MTHFD2L: variants seen among roughly 807,000 people sequenced by gnomAD.
MTHFD2L encodes methylenetetrahydrofolate dehydrogenase (NADP+ dependent) 2 like, also known as bifunctional methylenetetrahydrofolate dehydrogenase/cyclohydrolase 2, mitochondrial.
MTHFD2L carries 29 observed loss-of-function variants against 34.9 expected under a neutral mutation model. That is an observed-to-expected ratio of 0.83 (90% confidence interval 0.62 to 1.13). MTHFD2L has a LOEUF of 1.13. MTHFD2L is among the 50% of genes most tolerant of loss of function. The pLI, the probability that MTHFD2L is intolerant of heterozygous loss-of-function variation, is 0.00. For synonymous variants in MTHFD2L, 167 were observed against 155.7 expected (o/e 1.07, Z -0.54); for missense variants, 481 against 446.5 (o/e 1.08, Z -0.70).
At chr4:74,173,959 G>T (rs1002450042) in intron 1 of MTHFD2L, among the ~76,000 whole-genome samples, 10 of 152,156 alleles carry the variant, frequency 6.6e-5, no homozygotes, top group African/African-American at 2.2e-4. Flanking sequence ...ACAGAATACT[G>T]TACACTGGTT....
At chr4:74,285,200 G>A (rs543880428) in intron 7 of MTHFD2L, among the ~76,000 whole-genome samples, 1 of 151,990 alleles carries the variant, frequency 6.6e-6, no homozygotes, top group Non-Finnish European at 1.5e-5. Context: ...TGGGGTGAGG[G>A]GGATGGGGGA....
intron 6 of MTHFD2L, among the ~76,000 whole-genome samples, chr4:74,263,203 C>G (rs949786873): frequency 2.0e-5 from 3 of 151,678 alleles, no homozygotes; most frequent in African/African-American, 7.3e-5. Context: ...TGTTTTTGTA[C>G]CAGTACCACG....
intron 6 of MTHFD2L, among the ~76,000 whole-genome samples, chr4:74,269,873 A>G (rs1745737667): frequency 6.6e-6 from 1 of 152,176 alleles, no homozygotes; most frequent in Admixed American, 6.5e-5. Context: ...TGATATTTCC[A>G]GAAGAAGGCA....
chr4:74,159,166 C>T (rs1560423832), intron 1 of MTHFD2L, among the ~76,000 whole-genome samples: 2 of 152,122 alleles, frequency 1.3e-5, no homozygotes, highest in Admixed American at 6.6e-5. Flanking sequence ...CAGTTAACTC[C>T]CTATTGTGTA....
chr4:74,190,509 C>T, intron 3 of MTHFD2L: 2 of 985,356 alleles, frequency 2.0e-6, no homozygotes, highest in Non-Finnish European at 2.4e-6. Flanking sequence ...CTTTTTCCGG[C>T]CTAGAGAACT....
At chr4:74,297,867 G>A (rs1193902811) in intron 7 of MTHFD2L, among the ~76,000 whole-genome samples, 1 of 152,086 alleles carries the variant, frequency 6.6e-6, no homozygotes, top group Non-Finnish European at 1.5e-5. Context: ...AAAATCATTA[G>A]AGTAGAGAAT....
chr4:74,143,525 G>A (rs532746764), intron 1 of MTHFD2L: 62 of 757,696 alleles, frequency 8.2e-5, no homozygotes, highest in East Asian at 2.6e-4. Context: ...AAACAAGCAC[G>A]GTTCCCTGGA....
Position 74,264,700 on chromosome 4 carries a change from TA to T in MTHFD2L, c.806-16716del, listed in dbSNP as rs35015226. 1.1e-4 allele frequency among the ~76,000 whole-genome samples: 16 copies of T among 150,926 alleles called. No homozygotes were observed. In the South Asian group the frequency reaches 2.3e-3, roughly 22 times the overall value. On this transcript the variant is annotated intron_variant, in intron 6 of 7. Coordinates refer to ENST00000325278, the MANE Select transcript of MTHFD2L (RefSeq NM_001144978.3). ...GTTTTAATATTTTTAAGTACAAACTTAAAAAAAAAGACTTGAGGTAAATATT... is the reference window on the plus strand; with the variant it reads ...GTTTTAATATTTTTAAGTACAAACTTAAAAAAAAGACTTGAGGTAAATATT...
At chr4:74,122,737 G>A (rs1721825296), upstream of MTHFD2L, among the ~76,000 whole-genome samples, 1 of 152,116 alleles carries the variant, frequency 6.6e-6, no homozygotes, top group African/African-American at 2.4e-5. Context: ...TCCTGAAACA[G>A]TTTTATCTAT....
intron 7 of MTHFD2L, among the ~76,000 whole-genome samples, chr4:74,300,354 A>C (rs1007610212): frequency 1.8e-4 from 27 of 152,038 alleles, no homozygotes; most frequent in African/African-American, 6.5e-4. Context: ...CCAATGTACT[A>C]TTCACTTCAA....
intron 6 of MTHFD2L, among the ~76,000 whole-genome samples, chr4:74,245,776 T>C (rs1456224635): frequency 1.3e-5 from 2 of 152,076 alleles, no homozygotes; most frequent in Non-Finnish European, 2.9e-5. Context: ...TGATTTCCAG[T>C]TTCATCCATG....
chr4:74,286,387 AT>A (rs1748176540), intron 7 of MTHFD2L, among the ~76,000 whole-genome samples: 1 of 152,200 alleles, frequency 6.6e-6, no homozygotes, highest in African/African-American at 2.4e-5. Context: ...TTCACAGGCA[AT>A]TTTTTTAAAC....
At chr4:74,292,717 T>TA (rs1749109288) in intron 7 of MTHFD2L, among the ~76,000 whole-genome samples, 2 of 152,318 alleles carry the variant, frequency 1.3e-5, no homozygotes, top group South Asian at 4.1e-4. Context: ...GCAGTATTGT[T>TA]ACTCCTGCCT....
intron 1 of MTHFD2L, chr4:74,160,032 T>C: frequency 7.8e-6 from 10 of 1,280,158 alleles, no homozygotes; most frequent in Admixed American, 2.4e-5. Context: ...TTGATGCTTA[T>C]TGGTGTCTCT....
intron 6 of MTHFD2L, among the ~76,000 whole-genome samples, chr4:74,257,602 C>T (rs903136955): frequency 2.0e-5 from 3 of 151,986 alleles, no homozygotes; most frequent in Non-Finnish European, 4.4e-5. Context: ...CTTTAGCAAA[C>T]CTAAATATGT....
intron 6 of MTHFD2L, among the ~76,000 whole-genome samples, chr4:74,271,725 A>T (rs562773557): frequency 6.6e-6 from 1 of 152,254 alleles, no homozygotes; most frequent in East Asian, 1.9e-4. Flanking sequence ...TGGTAGCTTG[A>T]TGGGGATGGC....
intron 3 of MTHFD2L, chr4:74,190,538 A>G (rs980721794): frequency 3.0e-6 from 3 of 985,180 alleles, no homozygotes; most frequent in African/African-American, 1.7e-5. Flanking sequence ...TCTACCTCCA[A>G]GCTCCACTGT....
chr4:74,240,520 G>T (rs1741545583), intron 6 of MTHFD2L, among the ~76,000 whole-genome samples: 1 of 152,008 alleles, frequency 6.6e-6, no homozygotes, highest in Non-Finnish European at 1.5e-5. Context: ...TAGATGCAAT[G>T]AAATTATATT....
In MTHFD2L at chr4:74,246,224, G is replaced by C. The variant is rs1742423789; in HGVS notation, c.805+20830G>C. On this transcript the variant is annotated intron_variant, in intron 6 of 7. Coordinates refer to ENST00000325278, the MANE Select transcript of MTHFD2L (RefSeq NM_001144978.3). The stretch of plus-strand genomic sequence containing the variant: ...GGTTTTGATTTGCATTTCTCTGATG[G>C]CCAGTGATGATGAGCATTTTTTCGT... Among the ~76,000 whole-genome samples the C allele has an allele frequency of 2.0e-5, 3 of 150,986 alleles. No individual in the cohort carries two copies. In the South Asian group the frequency reaches 6.3e-4, roughly 32 times the overall value.
Sources: allele counts gnomAD v4.1 joint callset (sites outside exome capture counted in the v4.1 genomes callset), GRCh38; gene constraint gnomAD v4.1.1; transcripts MANE v1.5; gene names NCBI Gene and HGNC (gene_info 2026-07-23, HGNC 2026-07-21).